Variants in CNTN5 observed in about 807,000 individuals in gnomAD.
CNTN5 encodes the protein contactin 5, also known as contactin-5.
Under a neutral mutation model 129.1 loss-of-function variants are expected in CNTN5, and 77 were observed. The observed-to-expected ratio is 0.60, with a 90% CI of 0.50 to 0.72. CNTN5 has a LOEUF of 0.72. Ranked by LOEUF, CNTN5 falls within the 30% of genes least tolerant of loss-of-function variation. The probability of loss-of-function intolerance (pLI) is 0.00; values close to 1 mark genes in which losing one functional copy is unlikely to be tolerated. For missense variants in CNTN5, 1,478 were observed against 1,328.8 expected, an observed-to-expected ratio of 1.11 and a Z score of -1.75; for synonymous variants, 509 against 465.6, an observed-to-expected ratio of 1.09 and a Z score of -1.20.
intron 1 of CNTN5, among the ~76,000 whole-genome samples, chr11:99,249,713 A>T (rs1163041227): frequency 6.6e-6 from 1 of 151,974 alleles, no homozygotes; most frequent in East Asian, 1.9e-4. Context: ...TATATATAAT[A>T]TATTGATACC....
intron 17 of CNTN5, among the ~76,000 whole-genome samples, chr11:100,264,517 T>C (rs1252725506): frequency 6.6e-6 from 1 of 152,210 alleles, no homozygotes; most frequent in African/African-American, 2.4e-5. Context: ...TTGTCGAGGA[T>C]GATGGCTTCC....
At chr11:99,947,054 A>G (rs1565708159) in intron 7 of CNTN5, among the ~76,000 whole-genome samples, 1 of 109,460 alleles carries the variant, frequency 9.1e-6, no homozygotes, top group Non-Finnish European at 2.0e-5. Flanking sequence ...AAATGTGATT[A>G]TGATATAAAC....
chr11:99,991,115 G>C (rs1939062848), intron 8 of CNTN5, among the ~76,000 whole-genome samples: 1 of 152,216 alleles, frequency 6.6e-6, no homozygotes, highest in African/African-American at 2.4e-5. Context: ...TTATGAGCTA[G>C]AACCTGATAT....
intron 7 of CNTN5, 39 bp from the exon 8 acceptor site, chr11:99,956,767 A>C (rs1356373109): frequency 1.3e-6 from 2 of 1,512,194 alleles, no homozygotes; most frequent in Middle Eastern, 1.7e-4. Context: ...TAATGAAAAA[A>C]TCAAAGTCTT....
chr11:99,339,441 C>A (rs1866407627), intron 2 of CNTN5, among the ~76,000 whole-genome samples: 1 of 151,896 alleles, frequency 6.6e-6, no homozygotes, highest in Admixed American at 6.6e-5. Context: ...TGTAAGGGTG[C>A]CAGTCATGTG....
chr11:100,063,324 A>T (rs1200054071), intron 10 of CNTN5, among the ~76,000 whole-genome samples: 2 of 151,998 alleles, frequency 1.3e-5, no homozygotes, highest in African/African-American at 4.8e-5. Context: ...GTTGTCATGC[A>T]CTGTAGGCCA....
At chr11:99,420,169 C>T (rs956418287) in intron 2 of CNTN5, among the ~76,000 whole-genome samples, 7 of 152,126 alleles carry the variant, frequency 4.6e-5, no homozygotes, top group Admixed American at 2.6e-4. Context: ...TTGACTGGTA[C>T]GGTGGTTTGG....
intron 3 of CNTN5, among the ~76,000 whole-genome samples, chr11:99,761,536 A>C (rs1008070085): frequency 6.6e-6 from 1 of 151,366 alleles, no homozygotes; most frequent in Non-Finnish European, 1.5e-5. Context: ...TGTTCTTGCG[A>C]TAGTTTACTG....
At chr11:99,780,103 G>A (rs919216687) in intron 3 of CNTN5, among the ~76,000 whole-genome samples, 4 of 152,154 alleles carry the variant, frequency 2.6e-5, no homozygotes, top group African/African-American at 7.2e-5. Context: ...TTTTGGCAAC[G>A]TTGCCTCTTC....
chr11:99,942,241 G>T (rs1950455968), intron 7 of CNTN5, among the ~76,000 whole-genome samples: 1 of 151,962 alleles, frequency 6.6e-6, no homozygotes, highest in South Asian at 2.1e-4. Flanking sequence ...ATGAGTATGT[G>T]ATCTGGTAGG....
chr11:99,125,292 G>T (rs1352091403), intron 1 of CNTN5, among the ~76,000 whole-genome samples: 1 of 151,888 alleles, frequency 6.6e-6, no homozygotes, highest in African/African-American at 2.4e-5. Flanking sequence ...GGGACATAAG[G>T]TTGGTTCAAC....
intron 1 of CNTN5, among the ~76,000 whole-genome samples, chr11:99,115,906 AG>A (rs1417471628): frequency 6.6e-6 from 1 of 152,232 alleles, no homozygotes; most frequent in Non-Finnish European, 1.5e-5. Flanking sequence ...TTGAAAATTA[AG>A]GGAAGATTTT....
At chr11:99,566,842 T>A (rs1254575803) in intron 3 of CNTN5, among the ~76,000 whole-genome samples, 2 of 152,204 alleles carry the variant, frequency 1.3e-5, no homozygotes, top group African/African-American at 4.8e-5. Flanking sequence ...TAACATTCTA[T>A]CCTTTGGTTG....
At chr11:99,566,153 T>G (rs1948999199) in intron 3 of CNTN5, among the ~76,000 whole-genome samples, 1 of 152,118 alleles carries the variant, frequency 6.6e-6, no homozygotes, top group Non-Finnish European at 1.5e-5. Context: ...AATAGCTTGG[T>G]GCCCTCCTCT....
chr11:99,727,322 A>AAAAAAAAAAAAG (rs1943383750), intron 3 of CNTN5, among the ~76,000 whole-genome samples: 1 of 126,750 alleles, frequency 7.9e-6, no homozygotes, highest in African/African-American at 3.0e-5. Flanking sequence ...CAAAAAAAAA[A>AAAAAAAAAAAAG]AAAAAAAAAA....
At chr11:99,220,574 A>G (rs1860348827) in intron 1 of CNTN5, among the ~76,000 whole-genome samples, 1 of 151,994 alleles carries the variant, frequency 6.6e-6, no homozygotes, top group Non-Finnish European at 1.5e-5. Flanking sequence ...TCCATGAAAT[A>G]GAGGAAAGTC....
chr11:99,347,213 C>T (rs1937953339), intron 2 of CNTN5, among the ~76,000 whole-genome samples: 1 of 152,160 alleles, frequency 6.6e-6, no homozygotes, highest in African/African-American at 2.4e-5. Context: ...TGTCTTTATG[C>T]TACTGAAATA....
At chr11:99,591,900 G>A (rs560835582) in intron 3 of CNTN5, among the ~76,000 whole-genome samples, 1 of 152,054 alleles carries the variant, frequency 6.6e-6, no homozygotes, top group East Asian at 1.9e-4. Context: ...TTAGTATAAT[G>A]GAAAAATAAA....
chr11:99,900,341 G>A (rs532381352), intron 6 of CNTN5, among the ~76,000 whole-genome samples: 41 of 151,514 alleles, frequency 2.7e-4, no homozygotes, highest in Non-Finnish European at 5.5e-4. Context: ...ACTGATTTAT[G>A]TATATTGAGC....
Sources: gnomAD v4.1 joint callset for allele counts (sites outside exome capture counted in the v4.1 genomes callset) on GRCh38, gnomAD v4.1.1 for gene constraint, MANE v1.5 for transcripts, NCBI Gene and HGNC (gene_info 2026-07-23, HGNC 2026-07-21) for gene names.